The following ARHGEF10 variants were observed in gnomAD, a reference collection of about 807,000 sequenced individuals.
ARHGEF10 encodes Rho guanine nucleotide exchange factor (GEF) 10.
Under a neutral mutation model 147.4 loss-of-function variants are expected in ARHGEF10, and 140 were observed. That is an observed-to-expected ratio of 0.95 (90% CI 0.83 to 1.09). ARHGEF10 has a LOEUF of 1.09. Among genes scored for constraint, ARHGEF10 ranks in the 50% least tolerant of loss-of-function variants. The pLI, the probability that ARHGEF10 is intolerant of heterozygous loss-of-function variation, is 0.00. For synonymous variants in ARHGEF10, 902 were observed against 695.8 expected, an observed-to-expected ratio of 1.30 and a Z score of -4.67; for missense variants, 2,222 against 1,752.7, an observed-to-expected ratio of 1.27 and a Z score of -4.78.
At chr8:1,840,936 C>T (rs1311676196) in intron 1 of ARHGEF10, among the ~76,000 whole-genome samples, 2 of 152,204 alleles carry the variant, frequency 1.3e-5, no homozygotes, top group Admixed American at 1.3e-4. Context: ...TGTCTTGCTG[C>T]ACAGAAAGCT....
At position 1,823,954 on chromosome 8, in the gene ARHGEF10, G is replaced by A. The variant is rs992565807; in HGVS notation, c.-207G>A. The stretch of plus-strand genomic sequence containing the variant: ...GGCTGGGCGCATCCCTGTAGCCGGC[G>A]GGCGCGCGATCCGGGACGGACGGGG... On this transcript the variant is annotated 5_prime_UTR_variant, in exon 1 of 29. Transcript: ENST00000349830. 1 of 150,732 alleles carries A rather than the reference G, an allele frequency of 6.6e-6. No homozygotes were observed. The allele number at this position is 150,732 out of a possible 1,614,324, so 9.3% of individuals were successfully genotyped here.
chr8:1,955,924 C>G (rs1815528584), intron 28 of ARHGEF10, among the ~76,000 whole-genome samples: 1 of 152,240 alleles, frequency 6.6e-6, no homozygotes, highest in South Asian at 2.1e-4. Context: ...TCCCTGCAGA[C>G]TTCACTTTGC....
At chr8:1,911,725 A>G (rs1811371881) in intron 18 of ARHGEF10, among the ~76,000 whole-genome samples, 1 of 152,164 alleles carries the variant, frequency 6.6e-6, no homozygotes, top group East Asian at 1.9e-4. Context: ...TGTTGATCCC[A>G]TGAGTGCCAC....
At chr8:1,851,034 C>T (rs1264769909) in intron 2 of ARHGEF10, among the ~76,000 whole-genome samples, 25 of 138,028 alleles carry the variant, frequency 1.8e-4, no homozygotes, top group Admixed American at 1.5e-3. Flanking sequence ...TAGGGGTTTG[C>T]GGGGGGGAGG....
At chr8:1,864,591 C>T (rs1467451542) in intron 5 of ARHGEF10, among the ~76,000 whole-genome samples, 155 bp downstream of exon 5, 1 of 152,160 alleles carries the variant, frequency 6.6e-6, no homozygotes, top group Non-Finnish European at 1.5e-5. Flanking sequence ...CCCTCCCAGG[C>T]GAGTGTCCCT....
At chr8:1,936,509 CA>C (rs1012224270) in intron 26 of ARHGEF10, among the ~76,000 whole-genome samples, 13 of 149,468 alleles carry the variant, frequency 8.7e-5, no homozygotes, top group Admixed American at 1.3e-4. Context: ...GACCCTGTCT[CA>C]AAAAAAAAAT....
chr8:1,839,638 T>G (rs1585224563), intron 1 of ARHGEF10, among the ~76,000 whole-genome samples: 1 of 128,036 alleles, frequency 7.8e-6, no homozygotes, highest in African/African-American at 3.2e-5. Flanking sequence ...AGCTGTCTGG[T>G]GTGGGGACTG....
chr8:1,870,848 C>T (rs1022331597), intron 7 of ARHGEF10: 1 of 152,184 alleles, frequency 6.6e-6, no homozygotes, highest in Non-Finnish European at 1.5e-5. Flanking sequence ...CACGGTCGCT[C>T]ACGCCTGTCA....
intron 2 of ARHGEF10, among the ~76,000 whole-genome samples, chr8:1,850,584 G>A (rs147853067): frequency 7.8e-4 from 116 of 149,180 alleles, no homozygotes; most frequent in Non-Finnish European, 7.4e-4. Context: ...GAGGAGGGCC[G>A]GGTGCTGGCG....
intron 8 of ARHGEF10, among the ~76,000 whole-genome samples, chr8:1,878,464 C>G (rs1294516320): frequency 6.6e-6 from 1 of 152,214 alleles, no homozygotes; most frequent in Non-Finnish European, 1.5e-5. Context: ...GGATTACAGG[C>G]ATGAGCCACT....
At chr8:1,942,304 A>G (rs1326584200) in intron 26 of ARHGEF10, among the ~76,000 whole-genome samples, 1 of 151,160 alleles carries the variant, frequency 6.6e-6, no homozygotes, top group Non-Finnish European at 1.5e-5. Flanking sequence ...AGGGAACTGA[A>G]TGGATATTTC....
intron 26 of ARHGEF10, among the ~76,000 whole-genome samples, chr8:1,938,688 C>A (rs906813594): frequency 6.6e-6 from 1 of 152,146 alleles, no homozygotes; most frequent in Non-Finnish European, 1.5e-5. Flanking sequence ...GTAATCCCAG[C>A]CACTTGGGAG....
chr8:1,835,943 A>G (rs1803552670), intron 1 of ARHGEF10, among the ~76,000 whole-genome samples: 1 of 152,154 alleles, frequency 6.6e-6, no homozygotes, highest in Non-Finnish European at 1.5e-5. Flanking sequence ...GCACTTTGGG[A>G]GGCCGAGGCG....
intron 18 of ARHGEF10, among the ~76,000 whole-genome samples, chr8:1,909,752 C>G (rs1811219375): frequency 6.6e-6 from 1 of 152,194 alleles, no homozygotes; most frequent in South Asian, 2.1e-4. Context: ...GTCCAGTGAG[C>G]TCAGTTTTGC....
intron 25 of ARHGEF10, among the ~76,000 whole-genome samples, chr8:1,932,652 CTT>C (rs1813248971): frequency 1.3e-5 from 2 of 152,234 alleles, no homozygotes; most frequent in Non-Finnish European, 2.9e-5. Flanking sequence ...CCCTACAACA[CTT>C]TTAGCCTAAT....
chr8:1,867,576 C>A (rs577802475), intron 6 of ARHGEF10, among the ~76,000 whole-genome samples: 1 of 152,334 alleles, frequency 6.6e-6, no homozygotes, highest in African/African-American at 2.4e-5. Context: ...CCGTACAATT[C>A]AGAGTAAACC....
At chr8:1,942,110 A>G (rs1814144117) in intron 26 of ARHGEF10, among the ~76,000 whole-genome samples, 1 of 152,008 alleles carries the variant, frequency 6.6e-6, no homozygotes, top group South Asian at 2.1e-4. Flanking sequence ...GTGGAAAAAT[A>G]AGATACACTG....
At chr8:1,844,716 A>G (rs1441738234) in intron 2 of ARHGEF10, among the ~76,000 whole-genome samples, 1 of 152,032 alleles carries the variant, frequency 6.6e-6, no homozygotes, top group Non-Finnish European at 1.5e-5. Flanking sequence ...CGTTGTCGCC[A>G]CAGTTCACTT....
intron 2 of ARHGEF10, among the ~76,000 whole-genome samples, chr8:1,853,068 AGATTTGGGCCGGGCACTGGCGG>A (rs1396177951): frequency 7.8e-5 from 9 of 114,880 alleles, no homozygotes; most frequent in African/African-American, 3.6e-4. Flanking sequence ...GCGGGTGGTT[AGATTTGGGCCGGGCACTGGCGG>A]GTGGTTAGAT....
Sources: gnomAD v4.1 joint callset for allele counts (sites outside exome capture counted in the v4.1 genomes callset) on GRCh38, gnomAD v4.1.1 for gene constraint, MANE v1.5 for transcripts, NCBI Gene and HGNC (gene_info 2026-07-23, HGNC 2026-07-21) for gene names.